PPIG: variants seen among roughly 807,000 people sequenced by gnomAD.
The protein encoded by PPIG is peptidyl-prolyl cis-trans isomerase G.
A neutral mutation model predicts 87.9 loss-of-function variants in PPIG; 26 were observed. The observed-to-expected ratio is 0.30, with a 90% CI of 0.22 to 0.41. The LOEUF (loss-of-function observed/expected upper bound fraction) is 0.41, where lower values mean the gene tolerates loss of function less well. PPIG is among the 10% of genes least tolerant of loss of function. The pLI is 1.00. For missense variants in PPIG, 722 were observed against 879.4 expected (o/e 0.82, Z 2.26); for synonymous variants, 308 against 276.5 (o/e 1.11, Z -1.13).
chr2:169,631,015 C>A, intron 10 of PPIG, 28 bp downstream of exon 10: 1 of 1,508,786 alleles, frequency 6.6e-7, no homozygotes, highest in Non-Finnish European at 8.9e-7. Context: ...CTAATGCTAG[C>A]TTTATATTCT....
chr2:169,636,890 C>G lies in PPIG; in HGVS notation c.1632C>G (p.Ser544=), dbSNP rs1454699356. The G allele has an allele frequency of 1.9e-6, 3 of 1,613,702 alleles. No homozygotes were observed. The highest frequency in any genetic ancestry group is 2.5e-6 in the Non-Finnish European group (3 of 1,179,932). The stretch of plus-strand genomic sequence containing the variant: ...AGGAAAAGGATAGACGCGCACAATC[C>G]AGGAGTAGAGAATGTGATATAACTA... ...KSKEKDRRAQ[S]RSRECDITKG... Residue 544 remains serine (S), a synonymous_variant, in exon 14 of 14, where the codon TCC becomes TCG. Coordinates refer to ENST00000260970, the MANE Select transcript of PPIG (RefSeq NM_004792.3).
chr2:169,637,627 GT>G lies in PPIG; in HGVS notation c.*108del. The G allele has an allele frequency of 8.2e-7, 1 of 1,212,298 alleles. No homozygotes were observed. Among genetic ancestry groups the G allele is most frequent in the Non-Finnish European group, 1.1e-6 (1 of 900,178 alleles). 75.1% of individuals were successfully genotyped at this position (1,212,298 alleles called of 1,614,324 possible). ...TTTTCCTTTTCATTGTTTTTGGATTGTTTTATGTTTGTCCTTTTTTTTCTTA... is the reference window on the plus strand; with the variant it reads ...TTTTCCTTTTCATTGTTTTTGGATTGTTTATGTTTGTCCTTTTTTTTCTTA... On this transcript the variant is annotated 3_prime_UTR_variant, in exon 14 of 14. Coordinates refer to ENST00000260970, the MANE Select transcript of PPIG (RefSeq NM_004792.3).
intron 4 of PPIG, among the ~76,000 whole-genome samples, chr2:169,604,763 A>ATT (rs1685275621): frequency 6.6e-6 from 1 of 151,388 alleles, no homozygotes; most frequent in East Asian, 1.9e-4. Context: ...AGTCCCAGCT[A>ATT]TTTGGGAGGC....
chr2:169,600,191 C>T (rs1685140931), intron 1 of PPIG, among the ~76,000 whole-genome samples: 1 of 151,846 alleles, frequency 6.6e-6, no homozygotes, highest in Non-Finnish European at 1.5e-5. Flanking sequence ...CTTTCCACCT[C>T]AGCGTCTCCA....
chr2:169,631,049 A>T, intron 10 of PPIG, 62 bp downstream of exon 10: 1 of 1,408,244 alleles, frequency 7.1e-7, no homozygotes, highest in Non-Finnish European at 9.6e-7. Flanking sequence ...TAAATCTGTT[A>T]GGATTTTGGG....
intron 1 of PPIG, among the ~76,000 whole-genome samples, chr2:169,590,599 C>A (rs775447536): frequency 6.6e-6 from 1 of 151,804 alleles, no homozygotes; most frequent in Non-Finnish European, 1.5e-5. Flanking sequence ...CCAGAGGTCA[C>A]GCCACTGCAC....
rs1686269417 is a variant in PPIG, at chr2:169,639,686, A to C, written c.*2163A>C. The C allele has an allele frequency of 6.6e-6, 1 of 152,142 alleles. No homozygotes were observed. Among genetic ancestry groups the C allele is most frequent in the South Asian group, 2.1e-4 (1 of 4,828 alleles). The allele number at this position is 152,142 out of a possible 1,614,324, so 9.4% of individuals were successfully genotyped here. The stretch of plus-strand genomic sequence containing the variant: ...TGTGAAGGAGTTGAGAGGACAATCA[A>C]CTAGATTTTATTTTTAGAATATAAA... On this transcript the variant is annotated 3_prime_UTR_variant, in exon 14 of 14. Coordinates refer to ENST00000260970, the MANE Select transcript of PPIG (RefSeq NM_004792.3).
At chr2:169,622,633 T>C (rs555111504) in intron 9 of PPIG, among the ~76,000 whole-genome samples, 1 of 152,320 alleles carries the variant, frequency 6.6e-6, no homozygotes, top group Non-Finnish European at 1.5e-5. Context: ...AGGTCAGATT[T>C]GTTTTGAGCC....
rs1316265718 is a variant in PPIG at position 169,602,242 on chromosome 2, C to G, written c.-69-1400C>G. 2.0e-5 allele frequency among the ~76,000 whole-genome samples: 3 copies of G among 151,980 alleles called. No individual in the cohort carries two copies. The South Asian group carries it at 6.2e-4, about 32-fold the overall frequency. ...AAATTCAAAAAAAAAATCTGAAACA[C>G]TTCTGGTCCCAAGCATTTCCTATAA... is the stretch of plus-strand genomic sequence containing the variant. On this transcript the variant is annotated intron_variant, in intron 1 of 13. Transcript: ENST00000260970.
chr2:169,624,057 C>T lies in PPIG; in HGVS notation c.548-6717C>T, dbSNP rs148919218. Among the ~76,000 whole-genome samples, 773 of 152,232 alleles carry T rather than the reference C, an allele frequency of 5.1e-3. 2 individuals are homozygous for T. The highest frequency in any genetic ancestry group is 0.01 in the Middle Eastern group (3 of 294). On this transcript the variant is annotated intron_variant, in intron 9 of 13. Coordinates refer to ENST00000260970, the MANE Select transcript of PPIG (RefSeq NM_004792.3). ...TCATAGTTCACTGCAACCTCGAACT[C>T]CTGGGTTCAGTCAATTCTCCCACCT...
At chr2:169,600,247 G>T (rs922508199) in intron 1 of PPIG, among the ~76,000 whole-genome samples, 7 of 151,782 alleles carry the variant, frequency 4.6e-5, no homozygotes, top group Non-Finnish European at 1.0e-4. Flanking sequence ...TCTAATTTTT[G>T]TATTTTTTGT....
chr2:169,621,193 A>G (rs963062436), intron 9 of PPIG, among the ~76,000 whole-genome samples: 5 of 152,072 alleles, frequency 3.3e-5, no homozygotes, highest in Non-Finnish European at 5.9e-5. Flanking sequence ...TTCTAGGTAC[A>G]CTGATTTCCT....
chr2:169,585,225 C>T (rs1684665060), intron 1 of PPIG, among the ~76,000 whole-genome samples: 1 of 149,480 alleles, frequency 6.7e-6, no homozygotes, highest in Admixed American at 6.7e-5. Flanking sequence ...TTTCGGGGCT[C>T]AGTATGCCTG....
Position 169,637,821 on chromosome 2 carries a change from T to C in PPIG, c.*298T>C, listed in dbSNP as rs1686224116. 5.0e-6 allele frequency: 1 copy of C among 200,850 alleles called. No individual in the cohort carries two copies. Among genetic ancestry groups the C allele is most frequent in the Admixed American group, 5.8e-5 (1 of 17,142 alleles). The allele number at this position is 200,850 out of a possible 1,614,324, so 12.4% of individuals were successfully genotyped here. A position where few individuals can be genotyped will look rare whatever the true frequency, so the allele number is the denominator to read the frequency against. ...GTGTTGCAACAATTAGCCAATAGCA[T>C]CCTAATTTGTTTAGTCAGCCATTTG... On this transcript the variant is annotated 3_prime_UTR_variant, in exon 14 of 14. Transcript: ENST00000260970.
intron 7 of PPIG, 24 bp from the exon 8 acceptor site, chr2:169,614,440 C>A (rs2105500067): frequency 6.6e-7 from 1 of 1,524,662 alleles, no homozygotes; most frequent in East Asian, 2.3e-5. Context: ...TGTTTTTATT[C>A]TTCTATCTGA....
At chr2:169,586,541 A>G (rs143757398) in intron 1 of PPIG, among the ~76,000 whole-genome samples, 35 of 152,294 alleles carry the variant, frequency 2.3e-4, no homozygotes, top group Non-Finnish European at 3.8e-4. Context: ...TTTTAACCAT[A>G]TAGTCGATTT....
Position 169,630,873 on chromosome 2 carries a change from C to T in PPIG, c.647C>T (p.Ser216Phe). ...AGTGATTCTCAGTCCTCTTCTGATT[C>T]CTCTGATTCCGAAAGTGCTACTGAA... is the stretch of plus-strand genomic sequence containing the variant. ...SSSDSQSSSD[S>F]SDSESATEEK... is the part of the protein sequence containing the mutation. Residue 216 changes from serine (S) to phenylalanine (F), a missense_variant, in exon 10 of 14, where the codon TCC becomes TTC. Physicochemically the swap from Ser to Phe is radical, Grantham distance 155. This residue lies in a region of PPIG where 142 missense variants were observed against 152.8 expected (regional missense o/e 0.93). Coordinates refer to ENST00000260970, the MANE Select transcript of PPIG (RefSeq NM_004792.3). 6.2e-7 allele frequency: 1 copy of T among 1,610,592 alleles called. No individual in the cohort carries two copies. Among genetic ancestry groups the T allele is most frequent in the South Asian group, 1.1e-5 (1 of 89,494 alleles).
Position 169,640,184 on chromosome 2 carries a change from T to C in PPIG, c.*2661T>C, listed in dbSNP as rs1686277481. 1 of 152,184 alleles carries C rather than the reference T, an allele frequency of 6.6e-6. No homozygotes were observed. Among genetic ancestry groups the C allele is most frequent in the Non-Finnish European group, 1.5e-5 (1 of 68,024 alleles). 9.4% of individuals were successfully genotyped at this position (152,184 alleles called of 1,614,324 possible). A position where few individuals can be genotyped will look rare whatever the true frequency, so the allele number is the denominator to read the frequency against. ...TACATAGTTGGTAAGTTCATAGTTT[T>C]AAGTTACTTAATTGAAGCCCTCAGA... On this transcript the variant is annotated 3_prime_UTR_variant, in exon 14 of 14. Coordinates refer to ENST00000260970, the MANE Select transcript of PPIG (RefSeq NM_004792.3).
chr2:169,624,942 ATTTAAAAT>A (rs1685846769), intron 9 of PPIG, among the ~76,000 whole-genome samples: 1 of 152,186 alleles, frequency 6.6e-6, no homozygotes, highest in Non-Finnish European at 1.5e-5. Context: ...CGTATTCGGA[ATTTAAAAT>A]TTTAATTTGA....
Sources: allele counts gnomAD v4.1 joint callset (sites outside exome capture counted in the v4.1 genomes callset), GRCh38; gene constraint gnomAD v4.1.1; regional missense constraint gnomAD v4.1.1; transcripts MANE v1.5; gene names NCBI Gene and HGNC (gene_info 2026-07-23, HGNC 2026-07-21).